BMPR1B: variants seen among roughly 807,000 people sequenced by gnomAD.
The protein encoded by BMPR1B is bone morphogenetic protein receptor type 1B.
In BMPR1B, 12 loss-of-function variants were observed where a neutral mutation model predicts 59.1. That is an observed-to-expected ratio of 0.20 (90% CI 0.13 to 0.33). BMPR1B has a LOEUF of 0.33. Ranked by LOEUF, BMPR1B falls within the 10% of genes least tolerant of loss-of-function variation. The probability of loss-of-function intolerance (pLI) is 1.00; values close to 1 mark genes in which losing one functional copy is unlikely to be tolerated. For synonymous variants in BMPR1B, 237 were observed against 207.3 expected (o/e 1.14, Z -1.23); for missense variants, 550 against 610.9 (o/e 0.90, Z 1.05).
chr4:95,059,323 T>C (rs1219969814), intron 3 of BMPR1B, among the ~76,000 whole-genome samples: 1 of 152,186 alleles, frequency 6.6e-6, no homozygotes, highest in Non-Finnish European at 1.5e-5. Context: ...TATATATATG[T>C]GTGTGTGTGT....
At chr4:95,020,464 A>G (rs1173722026) in intron 3 of BMPR1B, among the ~76,000 whole-genome samples, 1 of 152,034 alleles carries the variant, frequency 6.6e-6, no homozygotes, top group African/African-American at 2.4e-5. Context: ...CTGTAGTCCC[A>G]AGTACTCAGG....
intron 1 of BMPR1B, among the ~76,000 whole-genome samples, chr4:94,862,120 A>G (rs1726006254): frequency 6.6e-6 from 1 of 151,612 alleles, no homozygotes; most frequent in African/African-American, 2.4e-5. Context: ...AAAAGACACA[A>G]TGACTTGGGA....
At chr4:94,968,748 A>G (rs1342997240) in intron 2 of BMPR1B, among the ~76,000 whole-genome samples, 1 of 152,106 alleles carries the variant, frequency 6.6e-6, no homozygotes, top group African/African-American at 2.4e-5. Flanking sequence ...GTGGTGAGTG[A>G]GTTTTACCAT....
At chr4:95,073,546 T>C (rs1215864281) in intron 3 of BMPR1B, among the ~76,000 whole-genome samples, 1 of 152,098 alleles carries the variant, frequency 6.6e-6, no homozygotes, top group African/African-American at 2.4e-5. Context: ...TTATAAAGAG[T>C]TAGTGAATTG....
chr4:95,150,345 C>T (rs1383416269), intron 11 of BMPR1B, among the ~76,000 whole-genome samples: 2 of 151,866 alleles, frequency 1.3e-5, no homozygotes, highest in African/African-American at 2.4e-5. Context: ...AGATAAGCCT[C>T]ACGTTTGCAT....
chr4:95,049,112 G>A (rs1229156380), intron 3 of BMPR1B, among the ~76,000 whole-genome samples: 1 of 152,076 alleles, frequency 6.6e-6, no homozygotes. Context: ...CCTACATGCT[G>A]AAGTCCAGAA....
At chr4:94,860,851 C>G (rs920805512) in intron 1 of BMPR1B, among the ~76,000 whole-genome samples, 15 of 150,114 alleles carry the variant, frequency 1.0e-4, no homozygotes, top group African/African-American at 3.8e-4. Context: ...ATGTCTTTCT[C>G]TTTCACGAGA....
intron 1 of BMPR1B, among the ~76,000 whole-genome samples, chr4:94,864,778 A>T (rs941742072): frequency 1.3e-4 from 20 of 152,180 alleles, no homozygotes; most frequent in African/African-American, 3.4e-4. Flanking sequence ...TGACAAGGAA[A>T]AAAAGTCTGT....
chr4:94,768,608 T>C (rs1226491998), intron 1 of BMPR1B, among the ~76,000 whole-genome samples: 8 of 152,280 alleles, frequency 5.3e-5, no homozygotes, highest in African/African-American at 1.7e-4. Flanking sequence ...CACTCATTTC[T>C]ATTGTGAATA....
chr4:94,936,599 A>G (rs1208253592), intron 2 of BMPR1B, among the ~76,000 whole-genome samples: 4 of 152,184 alleles, frequency 2.6e-5, no homozygotes, highest in African/African-American at 9.7e-5. Flanking sequence ...GGATAGATAA[A>G]GAGTTTCCAG....
chr4:95,124,047 T>TA, intron 7 of BMPR1B, 141 bp downstream of exon 7: 1 of 640,496 alleles, frequency 1.6e-6, no homozygotes, highest in Non-Finnish European at 2.7e-6. Context: ...AAATGTCTGT[T>TA]ACTGTTGATA....
chr4:95,022,995 T>C lies in BMPR1B; in HGVS notation c.-18+26861T>C, dbSNP rs1382299393. Among the ~76,000 whole-genome samples, 3 of 152,286 alleles carry C rather than the reference T, an allele frequency of 2.0e-5. 1 individual carries two copies. The highest frequency in any genetic ancestry group is 6.8e-3 in the Middle Eastern group (2 of 294). ...TTAGCAGGGCCATACTCTAAAGTTA[T>C]AACAGAGGGAAAACTTCAGATGGTT... On this transcript the variant is annotated intron_variant, in intron 3 of 12. Transcript: ENST00000515059.
At chr4:95,120,124 G>A (rs1732366234) in intron 6 of BMPR1B, among the ~76,000 whole-genome samples, 1 of 152,122 alleles carries the variant, frequency 6.6e-6, no homozygotes, top group Non-Finnish European at 1.5e-5. Flanking sequence ...ACAGTATTTA[G>A]TTTTCTGTTC....
At position 94,791,844 on chromosome 4, in the gene BMPR1B, C is replaced by T. The variant is rs369265539; in HGVS notation, c.-183+33776C>T. On this transcript the variant is annotated intron_variant, in intron 1 of 12. Transcript: ENST00000515059. ...TGCCACCCCCACCCCACCCTAATTC[C>T]TCCCACTCCCACGTCTCTACTCCCT... Among the ~76,000 whole-genome samples the T allele has an allele frequency of 2.6e-5, 4 of 152,012 alleles. No individual in the cohort carries two copies. The East Asian group carries it at 5.8e-4, about 22-fold the overall frequency.
At chr4:94,936,071 TAA>T (rs1217982565) in intron 2 of BMPR1B, among the ~76,000 whole-genome samples, 2 of 152,134 alleles carry the variant, frequency 1.3e-5, no homozygotes, top group Non-Finnish European at 2.9e-5. Flanking sequence ...GTATAAACGA[TAA>T]AGTCAGAAAA....
intron 10 of BMPR1B, among the ~76,000 whole-genome samples, chr4:95,138,012 T>G (rs1254736731): frequency 6.6e-6 from 1 of 152,238 alleles, no homozygotes; most frequent in South Asian, 2.1e-4. Context: ...CGATGGTCTT[T>G]ACAATTTGGC....
intron 2 of BMPR1B, among the ~76,000 whole-genome samples, chr4:94,913,604 C>T (rs1305452260): frequency 6.6e-6 from 1 of 152,002 alleles, no homozygotes; most frequent in Non-Finnish European, 1.5e-5. Flanking sequence ...GATTTCTGGT[C>T]ATTGTTCCAT....
rs777174300 is a variant in BMPR1B at position 95,047,514 on chromosome 4, T to TA, written c.-18+51381dup. Among the ~76,000 whole-genome samples the TA allele has an allele frequency of 2.8e-5, 4 of 144,688 alleles. No individual in the cohort carries two copies. In the South Asian group the frequency reaches 6.7e-4, roughly 24 times the overall value. 94.9% of individuals were successfully genotyped at this position (144,688 alleles called of 152,430 possible). ...TTCTCATCATATCAGGGGTACCTGC[T>TA]ATCAGCATGGCTTGTCTTCAGTCAT... On this transcript the variant is annotated intron_variant, in intron 3 of 12. Transcript: ENST00000515059.
intron 2 of BMPR1B, among the ~76,000 whole-genome samples, chr4:94,938,987 G>A (rs767457320): frequency 3.1e-4 from 47 of 151,874 alleles, no homozygotes; most frequent in Admixed American, 1.6e-3. Context: ...TGCCAGCCTG[G>A]GCAACAGAAT....
Sources: allele counts gnomAD v4.1 joint callset (sites outside exome capture counted in the v4.1 genomes callset), GRCh38; gene constraint gnomAD v4.1.1; transcripts MANE v1.5; gene names NCBI Gene and HGNC (gene_info 2026-07-23, HGNC 2026-07-21).